DISC1: variants seen among roughly 807,000 people sequenced by gnomAD.
DISC1 encodes the protein disrupted in schizophrenia 1 protein.
DISC1 carries 57 observed loss-of-function variants against 84.5 expected under a neutral mutation model. The ratio of observed to expected loss-of-function variants is 0.67; its 90% CI spans 0.55 to 0.84. The LOEUF is 0.84. Ranked by LOEUF, DISC1 falls within the 40% of genes least tolerant of loss-of-function variation. The probability of loss-of-function intolerance (pLI) is 0.00; values close to 1 mark genes in which losing one functional copy is unlikely to be tolerated. For missense variants in DISC1, 1,000 were observed against 1,057.8 expected (o/e 0.95, Z 0.76); for synonymous variants, 411 against 415.2 (o/e 0.99, Z 0.12).
chr1:231,892,210 A>G (rs956729485), intron 9 of DISC1, among the ~76,000 whole-genome samples: 1 of 152,218 alleles, frequency 6.6e-6, no homozygotes, highest in Non-Finnish European at 1.5e-5. Flanking sequence ...GGTGTCAGGA[A>G]GAAGAAGCAG....
intron 3 of DISC1, chr1:231,723,715 C>T (rs2070212546): frequency 7.1e-6 from 7 of 985,456 alleles, no homozygotes; most frequent in African/African-American, 1.7e-5. Flanking sequence ...ATTCATCTCT[C>T]CTTCCCTTCC....
chr1:231,728,942 A>T (rs902152377), intron 3 of DISC1, among the ~76,000 whole-genome samples: 1 of 152,146 alleles, frequency 6.6e-6, no homozygotes. Flanking sequence ...TGCTGCACCC[A>T]TTAACTCGTC....
At chr1:231,808,710 A>G (rs2079964667) in intron 8 of DISC1, among the ~76,000 whole-genome samples, 1 of 152,160 alleles carries the variant, frequency 6.6e-6, no homozygotes, top group African/African-American at 2.4e-5. Flanking sequence ...AAACTTGTTT[A>G]TATGTCTTTG....
intron 9 of DISC1, among the ~76,000 whole-genome samples, chr1:231,928,177 A>G (rs2090453652): frequency 6.6e-6 from 1 of 152,262 alleles, no homozygotes; most frequent in Non-Finnish European, 1.5e-5. Context: ...AGGACAAAGT[A>G]TCAGACTTGA....
At chr1:231,877,100 T>G (rs1050309502) in intron 9 of DISC1, among the ~76,000 whole-genome samples, 5 of 152,096 alleles carry the variant, frequency 3.3e-5, no homozygotes, top group Admixed American at 3.3e-4. Flanking sequence ...CCCCAACAAG[T>G]AAAGAACTAA....
At chr1:231,744,807 TAGAC>T (rs577563829) in intron 3 of DISC1, among the ~76,000 whole-genome samples, 109 of 152,302 alleles carry the variant, frequency 7.2e-4, no homozygotes, top group African/African-American at 2.5e-3. Context: ...TTCTTTTAGA[TAGAC>T]AGAGAAGTTT....
intron 9 of DISC1, among the ~76,000 whole-genome samples, chr1:231,836,240 G>A (rs751844547): frequency 2.0e-5 from 3 of 152,134 alleles, no homozygotes; most frequent in Non-Finnish European, 4.4e-5. Flanking sequence ...AACAACTCCT[G>A]CTTACAGGAC....
At chr1:231,939,678 C>T (rs924255346) in intron 9 of DISC1, among the ~76,000 whole-genome samples, 3 of 152,192 alleles carry the variant, frequency 2.0e-5, no homozygotes, top group African/African-American at 7.2e-5. Context: ...CCTCTTCTTC[C>T]AAGCCCCTGA....
At chr1:232,033,895 C>T (rs1363748605) in intron 12 of DISC1, among the ~76,000 whole-genome samples, 1 of 152,150 alleles carries the variant, frequency 6.6e-6, no homozygotes, top group Non-Finnish European at 1.5e-5. Flanking sequence ...CTACTTTGTC[C>T]TCCTGAAGCC....
At chr1:231,837,734 A>G (rs548354767) in intron 9 of DISC1, among the ~76,000 whole-genome samples, 9 of 152,334 alleles carry the variant, frequency 5.9e-5, no homozygotes, top group South Asian at 4.1e-4. Context: ...TGGCACAAGT[A>G]ATGTTTTCTT....
chr1:232,009,468 A>T lies in DISC1; in HGVS notation c.2307+419A>T, dbSNP rs1000392915. ...TGTCATATATGATGTTTATATATTT[A>T]GAATCTATATATTACAATATATTAT... On this transcript the variant is annotated intron_variant, in intron 11 of 12. Coordinates refer to ENST00000439617, the MANE Select transcript of DISC1 (RefSeq NM_018662.3). The surrounding 1 kb of genome is among the most constrained non-coding windows in gnomAD (Gnocchi z 4.6). The T allele has an allele frequency of 9.0e-5, 55 of 614,278 alleles. No homozygotes were observed. The African/African-American group carries it at 1.1e-3, about 12-fold the overall frequency. The allele number at this position is 614,278 out of a possible 1,614,324, so 38.1% of individuals were successfully genotyped here.
chr1:231,764,740 A>G (rs567036019), intron 4 of DISC1, among the ~76,000 whole-genome samples: 2 of 152,222 alleles, frequency 1.3e-5, no homozygotes, highest in South Asian at 4.1e-4. Flanking sequence ...TGCAATCAAT[A>G]CTTGGATGTG....
At chr1:231,915,061 G>C (rs2089511677) in intron 9 of DISC1, among the ~76,000 whole-genome samples, 1 of 152,154 alleles carries the variant, frequency 6.6e-6, no homozygotes, top group African/African-American at 2.4e-5. Context: ...AATGTGTTAC[G>C]CTGACCAACT....
At chr1:231,801,305 C>G (rs2079231313) in intron 8 of DISC1, among the ~76,000 whole-genome samples, 1 of 152,142 alleles carries the variant, frequency 6.6e-6, no homozygotes, top group Non-Finnish European at 1.5e-5. Flanking sequence ...TGAACACAGT[C>G]TTGCTTCTGA....
intron 10 of DISC1, among the ~76,000 whole-genome samples, chr1:231,983,539 GGGGGT>G: frequency 7.9e-4 from 1 of 1,258 alleles, no homozygotes; most frequent in Non-Finnish European, 1.6e-3. Flanking sequence ...GGGGTGGGGT[GGGGGT>G]GGGGGTGGGG....
At chr1:231,774,216 T>C (rs1284527451) in intron 6 of DISC1, among the ~76,000 whole-genome samples, 1 of 151,760 alleles carries the variant, frequency 6.6e-6, no homozygotes, top group Admixed American at 6.6e-5. Context: ...ATTGTGCCAC[T>C]GCAGTCCAGC....
chr1:232,004,680 C>T (rs1009229848), intron 10 of DISC1, among the ~76,000 whole-genome samples: 5 of 152,074 alleles, frequency 3.3e-5, no homozygotes, highest in African/African-American at 7.2e-5. Context: ...CAACTTCAAA[C>T]GAGATCCCAC....
intron 9 of DISC1, among the ~76,000 whole-genome samples, chr1:231,938,096 A>C (rs566143285): frequency 2.6e-5 from 4 of 151,862 alleles, no homozygotes; most frequent in African/African-American, 7.3e-5. Flanking sequence ...TTTTCCCTCC[A>C]CATGCCTGAT....
At chr1:231,866,410 C>A in intron 9 of DISC1, 1 of 674,118 alleles carries the variant, frequency 1.5e-6, no homozygotes. Flanking sequence ...TGTAACAATT[C>A]TTTGATTTAT....
Sources: gnomAD v4.1 joint callset for allele counts (sites outside exome capture counted in the v4.1 genomes callset) on GRCh38, gnomAD v4.1.1 for gene constraint, Gnocchi (gnomAD v3.1) non-coding constraint, MANE v1.5 for transcripts, NCBI Gene and HGNC (gene_info 2026-07-23, HGNC 2026-07-21) for gene names.